RGSL1: variants seen among roughly 807,000 people sequenced by gnomAD.
RGSL1 encodes the protein regulator of G protein signaling protein-like.
A neutral mutation model predicts 124.7 loss-of-function variants in RGSL1; 97 were observed. The ratio of observed to expected loss-of-function variants is 0.78; its 90% CI spans 0.66 to 0.92. RGSL1 has a LOEUF of 0.92. Among genes scored for constraint, RGSL1 ranks in the 40% least tolerant of loss-of-function variants. The pLI, the probability that RGSL1 is intolerant of heterozygous loss-of-function variation, is 0.00. For synonymous variants in RGSL1, 424 were observed against 438.1 expected (o/e 0.97, Z 0.40); for missense variants, 1,233 against 1,288.4 (o/e 0.96, Z 0.66).
intron 18 of RGSL1, among the ~76,000 whole-genome samples, chr1:182,552,974 G>T (rs1218224610): frequency 6.6e-6 from 1 of 152,070 alleles, no homozygotes; most frequent in East Asian, 1.9e-4. Context: ...GCATGATCTT[G>T]GCTCACCACA....
chr1:182,535,458 T>C (rs1320104989), intron 14 of RGSL1, among the ~76,000 whole-genome samples: 7 of 152,186 alleles, frequency 4.6e-5, no homozygotes, highest in Non-Finnish European at 8.8e-5. Context: ...CAGCCTCCTC[T>C]GTATTCACAG....
intron 9 of RGSL1, among the ~76,000 whole-genome samples, chr1:182,500,085 C>T (rs944220767): frequency 1.3e-5 from 2 of 152,116 alleles, no homozygotes; most frequent in Non-Finnish European, 2.9e-5. Flanking sequence ...AAAATGTTTG[C>T]CAAATCCGTG....
chr1:182,459,576 A>G (rs1475496942), intron 3 of RGSL1, among the ~76,000 whole-genome samples: 2 of 152,198 alleles, frequency 1.3e-5, no homozygotes, highest in Non-Finnish European at 2.9e-5. Flanking sequence ...GTTTTTGTAC[A>G]TATAGTGCAA....
intron 10 of RGSL1, among the ~76,000 whole-genome samples, chr1:182,524,207 G>T (rs571086810): frequency 1.3e-5 from 2 of 152,308 alleles, no homozygotes; most frequent in African/African-American, 2.4e-5. Context: ...GCAATAAGGG[G>T]ATTCTTTGGG....
intron 4 of RGSL1, among the ~76,000 whole-genome samples, chr1:182,463,022 G>A (rs1652970141): frequency 6.6e-6 from 1 of 152,156 alleles, no homozygotes; most frequent in East Asian, 1.9e-4. Flanking sequence ...GGCTGGGCGT[G>A]GTGGCTCATG....
intron 9 of RGSL1, among the ~76,000 whole-genome samples, chr1:182,520,201 T>C (rs1232624450): frequency 6.6e-6 from 1 of 152,206 alleles, no homozygotes; most frequent in African/African-American, 2.4e-5. Context: ...AGCATCCAGA[T>C]AACCTTAATT....
intron 10 of RGSL1, among the ~76,000 whole-genome samples, chr1:182,527,072 A>G (rs1299357486): frequency 6.6e-6 from 1 of 152,194 alleles, no homozygotes; most frequent in South Asian, 2.1e-4. Context: ...TCACTTCCTC[A>G]TATCAATAAA....
intron 9 of RGSL1, among the ~76,000 whole-genome samples, chr1:182,502,369 G>A (rs1656459422): frequency 6.6e-6 from 1 of 152,080 alleles, no homozygotes; most frequent in Non-Finnish European, 1.5e-5. Context: ...TTGAACCTAG[G>A]AGTTTGAGAG....
intron 10 of RGSL1, among the ~76,000 whole-genome samples, chr1:182,522,629 G>A (rs1231854272): frequency 6.6e-6 from 1 of 152,088 alleles, no homozygotes; most frequent in Non-Finnish European, 1.5e-5. Flanking sequence ...TCTTTCAGGA[G>A]TGCCCACCCA....
intron 10 of RGSL1, among the ~76,000 whole-genome samples, chr1:182,523,848 T>G (rs972473029): frequency 2.0e-5 from 3 of 152,216 alleles, no homozygotes; most frequent in African/African-American, 7.2e-5. Flanking sequence ...AATGTTATGA[T>G]AACATATTAG....
intron 10 of RGSL1, among the ~76,000 whole-genome samples, chr1:182,524,566 A>G (rs1349298223): frequency 6.6e-6 from 1 of 152,226 alleles, no homozygotes; most frequent in Non-Finnish European, 1.5e-5. Flanking sequence ...GCATTTAACA[A>G]ATAAAAAATT....
At chr1:182,558,004 G>A (rs767797470) in intron 21 of RGSL1, among the ~76,000 whole-genome samples, 6 of 152,012 alleles carry the variant, frequency 3.9e-5, no homozygotes, top group Non-Finnish European at 7.4e-5. Flanking sequence ...GAGACAGTCC[G>A]CTCAAGCCAG....
intron 9 of RGSL1, among the ~76,000 whole-genome samples, chr1:182,515,807 G>A (rs922821481): frequency 1.3e-5 from 2 of 152,172 alleles, no homozygotes; most frequent in Non-Finnish European, 2.9e-5. Context: ...TCGCCCAGGT[G>A]CCCTAGCCAG....
In RGSL1 at chr1:182,527,762, A is replaced by G. The variant is rs770287532; in HGVS notation, c.2115A>G (p.Gln705=). Reference sequence around the variant, plus strand: ...TAATCAAGACTTTCTTCCAAGGCCAACTCTCTCCTGGTATGCATCCTCTTC... The same window carrying G: ...TAATCAAGACTTTCTTCCAAGGCCAGCTCTCTCCTGGTATGCATCCTCTTC... ...ENVIKTFFQG[Q]LSPEEMLQCD... The change falls in exon 11 of 22, where the codon CAA becomes CAG. Residue 705 remains glutamine (Q), a synonymous_variant. Transcript: ENST00000294854. 2.2e-5 allele frequency: 34 copies of G among 1,549,394 alleles called. No individual in the cohort carries two copies. Among genetic ancestry groups the G allele is most frequent in the South Asian group, 6.0e-5 (5 of 83,808 alleles).
At chr1:182,546,968 ATCAG>A (rs1660250266) in intron 15 of RGSL1, among the ~76,000 whole-genome samples, 1 of 152,242 alleles carries the variant, frequency 6.6e-6, no homozygotes, top group Non-Finnish European at 1.5e-5. Flanking sequence ...TGTCATGGGC[ATCAG>A]TCAGTGTGTT....
intron 9 of RGSL1, among the ~76,000 whole-genome samples, chr1:182,501,611 G>A (rs1347815901): frequency 5.3e-5 from 8 of 151,944 alleles, no homozygotes; most frequent in African/African-American, 1.5e-4. Flanking sequence ...GAGCCGCTAC[G>A]CCCCGCCTTG....
intron 15 of RGSL1, among the ~76,000 whole-genome samples, chr1:182,547,267 G>A (rs1391962049): frequency 1.3e-5 from 2 of 152,246 alleles, no homozygotes; most frequent in African/African-American, 2.4e-5. Context: ...GGCATAGGAA[G>A]TGTATTTAGA....
chr1:182,549,332 C>T (rs957682221), intron 17 of RGSL1: 9 of 152,616 alleles, frequency 5.9e-5, no homozygotes, highest in African/African-American at 2.2e-4. Context: ...TATTTCATCT[C>T]TCCCAAGGTT....
At chr1:182,511,798 G>C (rs1042357420) in intron 9 of RGSL1, among the ~76,000 whole-genome samples, 8 of 152,236 alleles carry the variant, frequency 5.3e-5, no homozygotes, top group South Asian at 2.1e-4. Flanking sequence ...TTGGTGTTTC[G>C]ATAGGATGAA....
Sources: gnomAD v4.1 joint callset for allele counts (sites outside exome capture counted in the v4.1 genomes callset) on GRCh38, gnomAD v4.1.1 for gene constraint, MANE v1.5 for transcripts, NCBI Gene and HGNC (gene_info 2026-07-23, HGNC 2026-07-21) for gene names.